The following ATRNL1 variants were observed in gnomAD, a reference collection of about 807,000 sequenced individuals.
ATRNL1 encodes attractin like 1.
ATRNL1 carries 95 observed loss-of-function variants against 182.7 expected under a neutral mutation model. The ratio of observed to expected loss-of-function variants is 0.52; its 90% confidence interval spans 0.44 to 0.62. ATRNL1 has a LOEUF of 0.62. Ranked by LOEUF, ATRNL1 falls within the 20% of genes least tolerant of loss-of-function variation. ATRNL1 has a pLI of 0.00. For synonymous variants in ATRNL1, 576 were observed against 568.3 expected, an observed-to-expected ratio of 1.01 and a Z score of -0.19; for missense variants, 1,471 against 1,679.5, an observed-to-expected ratio of 0.88 and a Z score of 2.17.
chr10:115,293,767 A>G (rs905418349), intron 15 of ATRNL1, among the ~76,000 whole-genome samples: 1 of 152,126 alleles, frequency 6.6e-6, no homozygotes, highest in African/African-American at 2.4e-5. Flanking sequence ...TTTTCTTCTC[A>G]ATAGTTTGAA....
At chr10:115,662,334 G>A (rs368241945) in intron 26 of ATRNL1, among the ~76,000 whole-genome samples, 1 of 152,142 alleles carries the variant, frequency 6.6e-6, no homozygotes, top group South Asian at 2.1e-4. Flanking sequence ...AGGATGTGGA[G>A]AAATAGGAAC....
At chr10:115,120,308 TTAAATGA>T (rs782285162) in intron 2 of ATRNL1, 40 bp downstream of exon 2, 1 of 1,075,002 alleles carries the variant, frequency 9.3e-7, no homozygotes, top group Non-Finnish European at 1.4e-6. Context: ...TATTTTATTC[TTAAATGA>T]TAAAGGTGAT....
intron 15 of ATRNL1, among the ~76,000 whole-genome samples, chr10:115,287,335 A>T (rs1852665956): frequency 1.3e-5 from 2 of 152,018 alleles, no homozygotes; most frequent in South Asian, 4.1e-4. Context: ...TTTATTTTTG[A>T]GAGTTAACTT....
At chr10:115,340,231 C>T (rs1056050979) in intron 19 of ATRNL1, among the ~76,000 whole-genome samples, 2 of 152,178 alleles carry the variant, frequency 1.3e-5, no homozygotes, top group Non-Finnish European at 2.9e-5. Flanking sequence ...GCAACCTCCA[C>T]CTCCTGGGTT....
At position 115,473,584 on chromosome 10, in the gene ATRNL1, C is replaced by T. The variant is rs116908035; in HGVS notation, c.3654+4255C>T. 9.9e-3 allele frequency among the ~76,000 whole-genome samples: 1,497 copies of T among 151,332 alleles called. 15 individuals are homozygous for T. The highest frequency in any genetic ancestry group is 0.016 in the Non-Finnish European group (1,107 of 67,476). ...ACTTGGGTGTCAGGGAAATGCTTGC[C>T]TTACAGCATAAGTTCGGAAGTGTTC... is the stretch of plus-strand genomic sequence containing the variant. On this transcript the variant is annotated intron_variant, in intron 24 of 28. Coordinates refer to ENST00000355044, the MANE Select transcript of ATRNL1 (RefSeq NM_207303.4).
At chr10:115,734,638 A>G (rs969286170) in intron 27 of ATRNL1, among the ~76,000 whole-genome samples, 4 of 152,082 alleles carry the variant, frequency 2.6e-5, no homozygotes, top group African/African-American at 9.7e-5. Flanking sequence ...TTCTAGATCA[A>G]ATATATTAAG....
chr10:115,932,191 G>A (rs1458111670), intron 28 of ATRNL1, among the ~76,000 whole-genome samples: 1 of 152,196 alleles, frequency 6.6e-6, no homozygotes, highest in African/African-American at 2.4e-5. Context: ...AATTGCTTCA[G>A]AGAATCCTCT....
At chr10:115,585,369 A>C (rs1555009546) in intron 26 of ATRNL1, among the ~76,000 whole-genome samples, 1 of 112,560 alleles carries the variant, frequency 8.9e-6, no homozygotes, top group Non-Finnish European at 1.9e-5. Flanking sequence ...TCCCATTATT[A>C]ATGTGTGGGA....
intron 24 of ATRNL1, among the ~76,000 whole-genome samples, chr10:115,503,384 A>C (rs577616421): frequency 6.6e-6 from 1 of 152,226 alleles, no homozygotes; most frequent in South Asian, 2.1e-4. Context: ...TCAGGCAATA[A>C]CAAACAGGAC....
chr10:115,157,949 C>T (rs116466856), intron 5 of ATRNL1, among the ~76,000 whole-genome samples: 1,786 of 152,042 alleles, frequency 0.012, 33 homozygotes, highest in African/African-American at 0.04. Flanking sequence ...AACTCTTTTC[C>T]AAGTAATACC....
At chr10:115,454,822 T>G (rs1847445885) in intron 21 of ATRNL1, among the ~76,000 whole-genome samples, 1 of 152,052 alleles carries the variant, frequency 6.6e-6, no homozygotes, top group South Asian at 2.1e-4. Flanking sequence ...GAGCCTTTAG[T>G]ATTTTATCTA....
intron 28 of ATRNL1, among the ~76,000 whole-genome samples, chr10:115,868,980 C>T (rs1951511109): frequency 6.6e-6 from 1 of 151,748 alleles, no homozygotes; most frequent in African/African-American, 2.4e-5. Flanking sequence ...CAGGCGCCCG[C>T]CACCACGCCC....
chr10:115,449,469 T>C (rs1470838082), intron 21 of ATRNL1, among the ~76,000 whole-genome samples: 50 of 152,208 alleles, frequency 3.3e-4, no homozygotes, highest in Non-Finnish European at 7.3e-5. Flanking sequence ...AACCTGATTC[T>C]TCCTGGATGC....
chr10:115,792,690 A>C (rs1555082017), intron 27 of ATRNL1, among the ~76,000 whole-genome samples: 1 of 152,044 alleles, frequency 6.6e-6, no homozygotes, highest in Non-Finnish European at 1.5e-5. Flanking sequence ...TTATATGAAA[A>C]AAATATAAGT....
chr10:115,829,903 T>C (rs1482152181), intron 27 of ATRNL1, among the ~76,000 whole-genome samples: 3 of 152,208 alleles, frequency 2.0e-5, no homozygotes, highest in African/African-American at 4.8e-5. Flanking sequence ...CATGACTAAT[T>C]TTAATTGCAT....
At chr10:115,271,369 G>T (rs1175284265) in intron 13 of ATRNL1, among the ~76,000 whole-genome samples, 1 of 151,938 alleles carries the variant, frequency 6.6e-6, no homozygotes, top group Non-Finnish European at 1.5e-5. Flanking sequence ...GTGCCATGTT[G>T]GTGTGCTGCA....
At chr10:115,804,075 A>T (rs1473264061) in intron 27 of ATRNL1, among the ~76,000 whole-genome samples, 1 of 152,186 alleles carries the variant, frequency 6.6e-6, no homozygotes, top group East Asian at 1.9e-4. Context: ...AGTAACTGTT[A>T]TCATTACTTC....
chr10:115,239,510 G>C (rs1172655007), intron 9 of ATRNL1, among the ~76,000 whole-genome samples: 3 of 152,080 alleles, frequency 2.0e-5, no homozygotes, highest in Admixed American at 1.3e-4. Context: ...GGGATTACAG[G>C]CATGAGCACC....
rs561553926 is a variant in ATRNL1, at chr10:115,333,831, C to G, written c.3038-451C>G. ...AATTTTACTATTAGTTTACTTTATT[C>G]TGGTTAGAATCTATTGCCACACTAT... On this transcript the variant is annotated intron_variant, in intron 18 of 28. Coordinates refer to ENST00000355044, the MANE Select transcript of ATRNL1 (RefSeq NM_207303.4). Among the ~76,000 whole-genome samples, 4 of 152,226 alleles carry G rather than the reference C, an allele frequency of 2.6e-5. No homozygotes were observed. In the East Asian group the frequency reaches 7.7e-4, roughly 29 times the overall value.
Sources: allele counts gnomAD v4.1 joint callset (sites outside exome capture counted in the v4.1 genomes callset), GRCh38; gene constraint gnomAD v4.1.1; transcripts MANE v1.5; gene names NCBI Gene and HGNC (gene_info 2026-07-23, HGNC 2026-07-21).